RASAL2: variants seen among roughly 807,000 people sequenced by gnomAD.
RASAL2 encodes ras GTPase-activating protein nGAP.
RASAL2 carries 58 observed loss-of-function variants against 128.9 expected under a neutral mutation model. The ratio of observed to expected loss-of-function variants is 0.45; its 90% CI spans 0.36 to 0.56. The LOEUF is 0.56. Ranked by LOEUF, RASAL2 falls within the 20% of genes least tolerant of loss-of-function variation. The probability of loss-of-function intolerance (pLI) is 0.00; values close to 1 mark genes in which losing one functional copy is unlikely to be tolerated. For synonymous variants in RASAL2, 561 were observed against 580.8 expected, an observed-to-expected ratio of 0.97 and a Z score of 0.49; for missense variants, 1,360 against 1,601.6, an observed-to-expected ratio of 0.85 and a Z score of 2.57.
At chr1:178,173,980 C>A (rs983378731) in intron 1 of RASAL2, among the ~76,000 whole-genome samples, 7 of 150,962 alleles carry the variant, frequency 4.6e-5, no homozygotes, top group African/African-American at 1.7e-4. Flanking sequence ...TTAGTTATTT[C>A]CATATTTAAG....
chr1:178,176,492 C>T, intron 1 of RASAL2, among the ~76,000 whole-genome samples: 1 of 152,140 alleles, frequency 6.6e-6, no homozygotes, highest in South Asian at 2.1e-4. Flanking sequence ...TGTTTTCTCC[C>T]ATTCTCATAG....
At chr1:178,321,659 A>G (rs1027783864) in intron 3 of RASAL2, among the ~76,000 whole-genome samples, 5 of 151,932 alleles carry the variant, frequency 3.3e-5, no homozygotes, top group Non-Finnish European at 5.9e-5. Flanking sequence ...GACTACAGGC[A>G]TGTGCCACCA....
intron 1 of RASAL2, among the ~76,000 whole-genome samples, chr1:178,114,735 G>T (rs1276836570): frequency 6.6e-6 from 1 of 152,126 alleles, no homozygotes; most frequent in Non-Finnish European, 1.5e-5. Flanking sequence ...TGTTAGCCAG[G>T]ATGGTCTCGA....
intron 1 of RASAL2, among the ~76,000 whole-genome samples, chr1:178,232,277 A>G (rs1664041672): frequency 6.6e-6 from 1 of 152,182 alleles, no homozygotes; most frequent in Non-Finnish European, 1.5e-5. Context: ...TTGGTTCAGT[A>G]TAAGGTACTT....
intron 1 of RASAL2, among the ~76,000 whole-genome samples, chr1:178,275,490 G>T (rs967962642): frequency 6.6e-6 from 1 of 152,214 alleles, no homozygotes; most frequent in Non-Finnish European, 1.5e-5. Flanking sequence ...ACTATCATAG[G>T]AATTGTTCCC....
intron 4 of RASAL2, among the ~76,000 whole-genome samples, chr1:178,393,847 C>T (rs1673060062): frequency 6.6e-6 from 1 of 152,180 alleles, no homozygotes; most frequent in South Asian, 2.1e-4. Context: ...ATAAAATATG[C>T]ATGAATTATC....
chr1:178,366,367 A>G (rs1027237851), intron 3 of RASAL2, among the ~76,000 whole-genome samples: 15 of 152,360 alleles, frequency 9.8e-5, no homozygotes, highest in African/African-American at 3.4e-4. Flanking sequence ...GGAAAAGATC[A>G]TGTATTACTT....
chr1:178,216,111 C>G (rs531024312), intron 1 of RASAL2, among the ~76,000 whole-genome samples: 1 of 152,220 alleles, frequency 6.6e-6, no homozygotes, highest in East Asian at 1.9e-4. Context: ...TTTAGAAGTC[C>G]TTAGGAAAGA....
intron 1 of RASAL2, among the ~76,000 whole-genome samples, chr1:178,095,320 C>T (rs139967093): frequency 2.6e-5 from 4 of 152,286 alleles, no homozygotes; most frequent in Non-Finnish European, 5.9e-5. Context: ...TAAAACTTTC[C>T]CTTTCTGCAT....
chr1:178,254,118 C>T (rs1218611846), intron 1 of RASAL2, among the ~76,000 whole-genome samples: 2 of 152,164 alleles, frequency 1.3e-5, no homozygotes, highest in African/African-American at 4.8e-5. Context: ...TTTCAGTTCC[C>T]AGAATGTGCC....
chr1:178,219,928 G>A (rs1199027140), intron 1 of RASAL2, among the ~76,000 whole-genome samples: 4 of 152,048 alleles, frequency 2.6e-5, no homozygotes, highest in African/African-American at 9.7e-5. Context: ...GACTAATAGG[G>A]GCGGGTGGAT....
rs761715116 is a variant in RASAL2, at chr1:178,456,841, A to C, written c.2332A>C (p.Asn778His). 1.9e-6 allele frequency: 3 copies of C among 1,614,060 alleles called. No individual in the cohort carries two copies. The African/African-American group carries it at 4.0e-5, about 22-fold the overall frequency. Residue 778 changes from asparagine to histidine, a missense_variant, in exon 13 of 18, where the codon AAT becomes CAT. This residue lies in a region of RASAL2 where 741 missense variants were observed against 868.6 expected (regional missense o/e 0.85). Transcript: ENST00000367649. Reference sequence around the variant, plus strand: ...CTTCACTGAACATAACTCCAGTCCAAATGTCAGTGGAAGCCTCTCCTCTGG... The same window carrying C: ...CTTCACTGAACATAACTCCAGTCCACATGTCAGTGGAAGCCTCTCCTCTGG... The part of the protein sequence containing the change: ...RRFTEHNSSP[N>H]VSGSLSSGLQ...
chr1:178,134,546 T>C (rs1423551429), intron 1 of RASAL2, among the ~76,000 whole-genome samples: 1 of 151,916 alleles, frequency 6.6e-6, no homozygotes, highest in Non-Finnish European at 1.5e-5. Flanking sequence ...AGTTAATCTT[T>C]TTCGTATTCT....
At chr1:178,226,690 T>G (rs1663800961) in intron 1 of RASAL2, among the ~76,000 whole-genome samples, 1 of 152,210 alleles carries the variant, frequency 6.6e-6, no homozygotes. Context: ...CTCACACCTG[T>G]AATCCCAGCA....
intron 3 of RASAL2, among the ~76,000 whole-genome samples, chr1:178,351,620 T>C (rs1670508653): frequency 6.6e-6 from 1 of 151,784 alleles, no homozygotes; most frequent in South Asian, 2.1e-4. Flanking sequence ...TCCCAGCTAC[T>C]TGGGAGGCTG....
chr1:178,244,639 AT>A (rs1288882813), intron 1 of RASAL2, among the ~76,000 whole-genome samples: 4 of 152,192 alleles, frequency 2.6e-5, no homozygotes, highest in Non-Finnish European at 5.9e-5. Flanking sequence ...TACATGTGCC[AT>A]GGTGGTTTGC....
At chr1:178,222,709 A>C (rs768168567) in intron 1 of RASAL2, among the ~76,000 whole-genome samples, 65 of 152,126 alleles carry the variant, frequency 4.3e-4, no homozygotes, top group South Asian at 2.1e-4. Context: ...GAGCTTGTGG[A>C]TATCTCTTTA....
intron 4 of RASAL2, among the ~76,000 whole-genome samples, chr1:178,403,276 A>T (rs1445219108): frequency 6.6e-6 from 1 of 152,096 alleles, no homozygotes; most frequent in Non-Finnish European, 1.5e-5. Flanking sequence ...CCTATGTGTT[A>T]TTTCCGTACT....
chr1:178,357,438 A>G (rs1044392318), intron 3 of RASAL2, among the ~76,000 whole-genome samples: 3 of 148,042 alleles, frequency 2.0e-5, no homozygotes, highest in Admixed American at 2.0e-4. Flanking sequence ...GTCTTTTTCT[A>G]CTCTACTGAT....
Sources: allele counts gnomAD v4.1 joint callset (sites outside exome capture counted in the v4.1 genomes callset), GRCh38; gene constraint gnomAD v4.1.1; regional missense constraint gnomAD v4.1.1; transcripts MANE v1.5; gene names NCBI Gene and HGNC (gene_info 2026-07-23, HGNC 2026-07-21).